Variants in SYNRG observed in about 807,000 individuals in gnomAD.
SYNRG encodes the protein synergin gamma.
SYNRG carries 37 observed loss-of-function variants against 130.9 expected under a neutral mutation model. The observed-to-expected ratio is 0.28, with a 90% CI of 0.22 to 0.37. SYNRG has a LOEUF of 0.37. Among genes scored for constraint, SYNRG ranks in the 10% least tolerant of loss-of-function variants. The pLI, the probability that SYNRG is intolerant of heterozygous loss-of-function variation, is 1.00. For missense variants in SYNRG, 1,338 were observed against 1,588.9 expected (o/e 0.84, Z 2.68); for synonymous variants, 539 against 568.1 (o/e 0.95, Z 0.73).
At chr17:37,596,109 A>T in intron 3 of SYNRG, 114 bp downstream of exon 3, 1 of 1,251,830 alleles carries the variant, frequency 8.0e-7, no homozygotes, top group Non-Finnish European at 1.1e-6. Context: ...GAAGGAAGCC[A>T]TTTATTTATG....
intron 19 of SYNRG, among the ~76,000 whole-genome samples, chr17:37,529,191 T>G (rs2056323525): frequency 6.6e-6 from 1 of 152,236 alleles, no homozygotes; most frequent in Non-Finnish European, 1.5e-5. Context: ...TTACCTCATA[T>G]TTGTTTACAC....
intron 3 of SYNRG, among the ~76,000 whole-genome samples, chr17:37,594,367 T>C (rs1266340934): frequency 3.1e-5 from 3 of 97,648 alleles, no homozygotes; most frequent in Non-Finnish European, 6.7e-5. Flanking sequence ...GTATCAATTG[T>C]TATTAAGATT....
intron 19 of SYNRG, among the ~76,000 whole-genome samples, chr17:37,522,077 A>G (rs1466143987): frequency 1.3e-5 from 2 of 151,216 alleles, no homozygotes; most frequent in African/African-American, 4.9e-5. Flanking sequence ...ACAACAGCTA[A>G]TACGCCCTTA....
At chr17:37,608,557 C>T (rs1319688071) in intron 1 of SYNRG, among the ~76,000 whole-genome samples, 1 of 152,168 alleles carries the variant, frequency 6.6e-6, no homozygotes, top group Non-Finnish European at 1.5e-5. Flanking sequence ...TGAAATGTGG[C>T]AGAGGGCAGA....
intron 8 of SYNRG, among the ~76,000 whole-genome samples, chr17:37,573,235 C>T (rs1189167860): frequency 6.6e-6 from 1 of 151,896 alleles, no homozygotes. Flanking sequence ...AATCCTGTCT[C>T]TACTAAAAAT....
At chr17:37,566,133 G>A (rs2059970993) in intron 11 of SYNRG, among the ~76,000 whole-genome samples, 1 of 152,288 alleles carries the variant, frequency 6.6e-6, no homozygotes, top group South Asian at 2.1e-4. Context: ...TCTGGGAAGT[G>A]TGCCCAACCG....
In SYNRG at chr17:37,553,349, A is replaced by G. The variant is rs1265896746; in HGVS notation, c.2374T>C (p.Ser792Pro). The change falls in exon 14 of 22, where the codon TCC (serine) becomes CCC (proline). Residue 792 changes from serine (S) to proline (P), a missense_variant. Coordinates refer to ENST00000612223, the MANE Select transcript of SYNRG (RefSeq NM_007247.6). ...AAAGCCACTGCTTTCTCTCCCAGGG[A>G]TTTGTCCGAGTTTATGGAAGAAAAT... The part of the protein sequence containing the change: ...SKFSSINSDK[S>P]LGEKAVAFRH... 1 of 1,614,144 alleles carries G rather than the reference A, an allele frequency of 6.2e-7. No homozygotes were observed.
chr17:37,527,132 C>A (rs928148618), intron 19 of SYNRG, among the ~76,000 whole-genome samples: 2 of 152,206 alleles, frequency 1.3e-5, no homozygotes, highest in South Asian at 2.1e-4. Flanking sequence ...GTAAAGAATT[C>A]ATATTTCACT....
intron 1 of SYNRG, chr17:37,606,139 G>A (rs2063727556): frequency 2.5e-6 from 1 of 403,194 alleles, no homozygotes; most frequent in South Asian, 1.0e-4. Context: ...CTACTTTGCA[G>A]TTTTATCTCA....
At chr17:37,524,551 T>C (rs937714783) in intron 19 of SYNRG, among the ~76,000 whole-genome samples, 2 of 152,284 alleles carry the variant, frequency 1.3e-5, no homozygotes, top group African/African-American at 4.8e-5. Flanking sequence ...AAAGTAAACT[T>C]ACATGGCCTT....
At position 37,531,801 on chromosome 17, in the gene SYNRG, A is replaced by G. The variant is rs1022637685; in HGVS notation, c.3666+4178T>C. 2.6e-5 allele frequency among the ~76,000 whole-genome samples: 4 copies of G among 151,952 alleles called. No homozygotes were observed. The South Asian group carries it at 8.3e-4, about 32-fold the overall frequency. ...CTAAAAAAGAAAAAAAAAAAAATCCAGTGTCTCATCACCCAGACACATCCC... is the reference window on the plus strand; with the variant it reads ...CTAAAAAAGAAAAAAAAAAAAATCCGGTGTCTCATCACCCAGACACATCCC... On this transcript the variant is annotated intron_variant, in intron 19 of 21. Transcript: ENST00000612223.
At position 37,515,898 on chromosome 17, in the gene SYNRG, C is replaced by G. The variant is rs1397903159; in HGVS notation, c.*3042G>C. 2.0e-5 allele frequency: 3 copies of G among 152,142 alleles called. No homozygotes were observed. The highest frequency in any genetic ancestry group is 7.2e-5 in the African/African-American group (3 of 41,414). The allele number at this position is 152,142 out of a possible 1,614,324, so 9.4% of individuals were successfully genotyped here. A position where few individuals can be genotyped will look rare whatever the true frequency, so the allele number is the denominator to read the frequency against. ...ACACCTTTAAACAAATAAGACCCCC[C>G]CAAAACCCTTCAAATATGTATATGT... On this transcript the variant is annotated 3_prime_UTR_variant, in exon 22 of 22. Coordinates refer to ENST00000612223, the MANE Select transcript of SYNRG (RefSeq NM_007247.6).
chr17:37,600,591 C>T (rs143892082), intron 1 of SYNRG, 188 bp from the exon 2 acceptor site: 29 of 710,484 alleles, frequency 4.1e-5, no homozygotes, highest in South Asian at 2.7e-4. Context: ...CTACTGCAGA[C>T]GGAAACTTGT....
chr17:37,538,660 A>C (rs1228311249), intron 17 of SYNRG, among the ~76,000 whole-genome samples: 1 of 152,190 alleles, frequency 6.6e-6, no homozygotes, highest in Non-Finnish European at 1.5e-5. Context: ...CAGTGGCAAG[A>C]TCTCGGCTCA....
intron 11 of SYNRG, among the ~76,000 whole-genome samples, chr17:37,564,094 G>C (rs558400024): frequency 1.3e-5 from 2 of 151,970 alleles, no homozygotes; most frequent in Admixed American, 1.3e-4. Flanking sequence ...GATGATGTCT[G>C]CCTCGGTCTC....
At chr17:37,531,268 A>G (rs1400749405) in intron 19 of SYNRG, among the ~76,000 whole-genome samples, 3 of 152,124 alleles carry the variant, frequency 2.0e-5, no homozygotes, top group African/African-American at 7.2e-5. Flanking sequence ...AATAAAATTC[A>G]GTTTTGAGAA....
In SYNRG at chr17:37,553,137, A is replaced by C. The variant is rs1276096473; in HGVS notation, c.2586T>G (p.Ser862Arg). 6.2e-7 allele frequency: 1 copy of C among 1,613,376 alleles called. No homozygotes were observed. The highest frequency in any genetic ancestry group is 8.5e-7 in the Non-Finnish European group (1 of 1,179,816). The change falls in exon 14 of 22, where the codon AGT (serine) becomes AGG (arginine). Residue 862 changes from serine (S) to arginine (R), a missense_variant. By Grantham distance (110) the Ser-to-Arg change is moderately radical. Transcript: ENST00000612223. ...CACCTGCAGCAGGAGGATGCTGGCC[A>C]CTAACTGTTGGTAAATCCAAAGAGC... is the stretch of plus-strand genomic sequence containing the variant. ...SDSSLDLPTV[S>R]GQHPPAADIE... is the part of the protein sequence containing the mutation.
intron 2 of SYNRG, 115 bp downstream of exon 2, chr17:37,600,247 GA>G: frequency 1.1e-6 from 1 of 918,502 alleles, no homozygotes; most frequent in South Asian, 1.8e-5. Flanking sequence ...TAAGAGTGCA[GA>G]AAATTTTACT....
intron 1 of SYNRG, 131 bp downstream of exon 1, chr17:37,609,148 G>C: frequency 9.2e-7 from 1 of 1,092,560 alleles, no homozygotes; most frequent in Non-Finnish European, 1.2e-6. Context: ...GGGTCCCTGG[G>C]GGATGACCCT....
Sources: allele counts gnomAD v4.1 joint callset (sites outside exome capture counted in the v4.1 genomes callset), GRCh38; gene constraint gnomAD v4.1.1; transcripts MANE v1.5; gene names NCBI Gene and HGNC (gene_info 2026-07-23, HGNC 2026-07-21).